The following GPLD1 variants were observed in gnomAD, a reference collection of about 807,000 sequenced individuals.
The protein encoded by GPLD1 is glycosylphosphatidylinositol specific phospholipase D1, also known as phosphatidylinositol-glycan-specific phospholipase D.
Under a neutral mutation model 112.6 loss-of-function variants are expected in GPLD1, and 84 were observed. That is an observed-to-expected ratio of 0.75 (90% CI 0.63 to 0.89). The LOEUF (loss-of-function observed/expected upper bound fraction) is 0.89, where lower values mean the gene tolerates loss of function less well. GPLD1 is among the 40% of genes least tolerant of loss of function. The probability of loss-of-function intolerance (pLI) is 0.00; values close to 1 mark genes in which losing one functional copy is unlikely to be tolerated. For synonymous variants in GPLD1, 386 were observed against 403.8 expected (o/e 0.96, Z 0.53); for missense variants, 1,044 against 1,051.5 (o/e 0.99, Z 0.10).
intron 10 of GPLD1, among the ~76,000 whole-genome samples, chr6:24,465,823 T>C (rs1336055265): frequency 1.3e-5 from 2 of 152,216 alleles, no homozygotes; most frequent in Admixed American, 6.5e-5. Context: ...CAACAGAATG[T>C]TTTACAAATG....
rs189814648 is a variant in GPLD1 at position 24,477,564 on chromosome 6, A to T, written c.233-1286T>A. Among the ~76,000 whole-genome samples the T allele has an allele frequency of 5.8e-3, 874 of 151,984 alleles. 4 individuals are homozygous for T. The highest frequency in any genetic ancestry group is 9.2e-3 in the Non-Finnish European group (622 of 67,970). Reference sequence around the variant, plus strand: ...CAAGACCACATCTCTACAAAAATTTAAAAATAAAATAAAAAAGTAGCCAGG... The same window carrying T: ...CAAGACCACATCTCTACAAAAATTTTAAAATAAAATAAAAAAGTAGCCAGG... On this transcript the variant is annotated intron_variant, in intron 3 of 24. Coordinates refer to ENST00000230036, the MANE Select transcript of GPLD1 (RefSeq NM_001503.4).
chr6:24,436,561 T>C lies in GPLD1; in HGVS notation c.2358+15A>G, dbSNP rs1200588960. ...TCCTTTCCCAATAAGTTATAGAATT[T>C]TGTAGAACACTTACCTTTTCTTCTG... On this transcript the variant is annotated intron_variant, in intron 22 of 24. Transcript: ENST00000230036. The C allele has an allele frequency of 6.2e-7, 1 of 1,608,740 alleles. No homozygotes were observed.
chr6:24,492,212 G>A (rs918772243), upstream of GPLD1, among the ~76,000 whole-genome samples: 10 of 152,216 alleles, frequency 6.6e-5, no homozygotes, highest in South Asian at 1.9e-3. Context: ...TCTAGAAAAT[G>A]GGGGAGAAGA....
chr6:24,481,813 A>G (rs1266709186), intron 2 of GPLD1, among the ~76,000 whole-genome samples: 1 of 152,180 alleles, frequency 6.6e-6, no homozygotes, highest in Non-Finnish European at 1.5e-5. Flanking sequence ...TACATGAACC[A>G]ATAAAGTCCA....
intron 7 of GPLD1, among the ~76,000 whole-genome samples, chr6:24,467,867 ATTTCTGTGTGG>A (rs1383011418): frequency 3.3e-5 from 5 of 151,316 alleles, no homozygotes; most frequent in Admixed American, 2.0e-4. Context: ...CTCCCAATCT[ATTTCTGTGTGG>A]TTTCTGTGTG....
intron 5 of GPLD1, 25 bp from the exon 6 acceptor site, chr6:24,473,692 G>A: frequency 1.3e-6 from 2 of 1,552,904 alleles, no homozygotes; most frequent in Non-Finnish European, 1.8e-6. Context: ...GAACCATCTG[G>A]TGTGTATTAC....
At chr6:24,488,693 A>C (rs554887880) in intron 1 of GPLD1, among the ~76,000 whole-genome samples, 1 of 152,210 alleles carries the variant, frequency 6.6e-6, no homozygotes, top group African/African-American at 2.4e-5. Flanking sequence ...ACATATATCA[A>C]CACATCATGT....
rs746710139 is a variant in GPLD1 at position 24,454,241 on chromosome 6, C to T, written c.1149-40G>A. The stretch of plus-strand genomic sequence containing the variant: ...GGGACCCACCATGGTATGCACTGAG[C>T]ACTAGGGTTAAAGCTGTCGCCTGCT... On this transcript the variant is annotated intron_variant, in intron 13 of 24. Transcript: ENST00000230036. 4.8e-6 allele frequency: 7 copies of T among 1,465,550 alleles called. No individual in the cohort carries two copies. In the Admixed American group the frequency reaches 1.2e-4, roughly 26 times the overall value. 90.8% of individuals were successfully genotyped at this position (1,465,550 alleles called of 1,614,324 possible).
Position 24,437,022 on chromosome 6 carries a change from A to C in GPLD1, c.2197+91T>G, listed in dbSNP as rs1273288030. On this transcript the variant is annotated intron_variant, in intron 21 of 24. Coordinates refer to ENST00000230036, the MANE Select transcript of GPLD1 (RefSeq NM_001503.4). ...TCCTTGGGCCACTGGGCTGTCAATTATAAGGGCAGAGCCCAGATGACCCAA... is the reference window on the plus strand; with the variant it reads ...TCCTTGGGCCACTGGGCTGTCAATTCTAAGGGCAGAGCCCAGATGACCCAA... The C allele has an allele frequency of 2.6e-6, 3 of 1,166,860 alleles. No homozygotes were observed. In the African/African-American group the frequency reaches 4.6e-5, roughly 18 times the overall value. 72.3% of individuals were successfully genotyped at this position (1,166,860 alleles called of 1,614,324 possible). A position where few individuals can be genotyped will look rare whatever the true frequency, so the allele number is the denominator to read the frequency against.
chr6:24,457,437 C>T (rs190459221), intron 12 of GPLD1, among the ~76,000 whole-genome samples: 1 of 152,034 alleles, frequency 6.6e-6, no homozygotes, highest in Admixed American at 6.5e-5. Flanking sequence ...GCTGAGATCT[C>T]ACCATTGCAC....
intron 20 of GPLD1, among the ~76,000 whole-genome samples, chr6:24,440,407 G>A (rs897621627): frequency 2.6e-5 from 4 of 152,004 alleles, no homozygotes; most frequent in African/African-American, 9.7e-5. Context: ...TCACACCATT[G>A]AACTCCAGCC....
chr6:24,448,824 C>G (rs1365299775), intron 15 of GPLD1, among the ~76,000 whole-genome samples: 2 of 152,122 alleles, frequency 1.3e-5, no homozygotes. Context: ...CTATTTTATT[C>G]TGTGTTACCA....
intron 10 of GPLD1, 82 bp from the exon 11 acceptor site, chr6:24,462,877 AATC>A: frequency 1.0e-6 from 1 of 982,136 alleles, no homozygotes; most frequent in Non-Finnish European, 1.7e-6. Context: ...AGTGCGCTTC[AATC>A]ATCTCCCAAA....
chr6:24,445,257 C>T (rs909588017), intron 20 of GPLD1, among the ~76,000 whole-genome samples: 2 of 152,076 alleles, frequency 1.3e-5, no homozygotes, highest in African/African-American at 4.8e-5. Context: ...CAACTCCTGA[C>T]CTCAAGTGAT....
intron 14 of GPLD1, among the ~76,000 whole-genome samples, chr6:24,453,081 C>T (rs185782596): frequency 1.1e-4 from 17 of 152,186 alleles, no homozygotes; most frequent in Admixed American, 9.8e-4. Context: ...AGGACCCTAG[C>T]GCTCTCGGGA....
At chr6:24,460,615 A>T (rs1031793361) in intron 11 of GPLD1, among the ~76,000 whole-genome samples, 1 of 152,202 alleles carries the variant, frequency 6.6e-6, no homozygotes, top group African/African-American at 2.4e-5. Context: ...CTATCCTTAT[A>T]AAACATATTT....
rs561223066 is a variant in GPLD1, at chr6:24,467,268, C to T, written c.552G>A (p.Val184=). The part of the protein sequence containing the change: ...NFNYLARRWY[V]PVKDLLGIYE... ...AAATTCCCAGTAGATCTTTGACTGG[C>T]ACATACCTGAAAAATGCAGAATAAA... Residue 184 remains valine, a synonymous_variant, in exon 8 of 25, where the codon GTG becomes GTA. Coordinates refer to ENST00000230036, the MANE Select transcript of GPLD1 (RefSeq NM_001503.4). 1 of 1,546,430 alleles carries T rather than the reference C, an allele frequency of 6.5e-7. No individual in the cohort carries two copies. The highest frequency in any genetic ancestry group is 8.9e-7 in the Non-Finnish European group (1 of 1,118,908).
intron 2 of GPLD1, among the ~76,000 whole-genome samples, chr6:24,484,509 C>A (rs920628512): frequency 2.0e-5 from 3 of 152,202 alleles, no homozygotes; most frequent in African/African-American, 7.2e-5. Flanking sequence ...AGCCATCACG[C>A]CTGGCCTATT....
chr6:24,474,742 C>A (rs1004357578), intron 5 of GPLD1, among the ~76,000 whole-genome samples: 2 of 152,058 alleles, frequency 1.3e-5, no homozygotes, highest in African/African-American at 4.8e-5. Flanking sequence ...GAGATCAAGA[C>A]CACCCTGGCC....
Sources: allele counts gnomAD v4.1 joint callset (sites outside exome capture counted in the v4.1 genomes callset), GRCh38; gene constraint gnomAD v4.1.1; transcripts MANE v1.5; gene names NCBI Gene and HGNC (gene_info 2026-07-23, HGNC 2026-07-21).